TRPV1: variants seen among roughly 807,000 people sequenced by gnomAD.
TRPV1 encodes the protein transient receptor potential cation channel subfamily V member 1, also known as OTRPC1.
In TRPV1, 82 loss-of-function variants were observed where a neutral mutation model predicts 82.3. That is an observed-to-expected ratio of 1.00 (90% CI 0.83 to 1.20). The LOEUF is 1.20. Ranked by LOEUF, TRPV1 falls within the 50% of genes most tolerant of loss-of-function variation. TRPV1 has a pLI of 0.00. For synonymous variants in TRPV1, 515 were observed against 467.7 expected (o/e 1.10, Z -1.30); for missense variants, 1,067 against 1,096.8 (o/e 0.97, Z 0.38).
In TRPV1 at chr17:3,590,948, C is replaced by T; in HGVS notation, c.604+16G>A. 6.3e-7 allele frequency: 1 copy of T among 1,581,226 alleles called. No homozygotes were observed. On this transcript the variant is annotated intron_variant, in intron 5 of 16. Transcript: ENST00000572705. ...GCTGCGGGCTGAGCCATGCCCGGCC[C>T]CGCCGCCCTCCTCACCCTTGTAGTA...
At chr17:3,577,550 C>T (rs201333775) in intron 12 of TRPV1, 48 bp downstream of exon 12, 380 of 1,546,100 alleles carry the variant, frequency 2.5e-4, no homozygotes, top group Middle Eastern at 8.4e-4. Context: ...CACATGACCA[C>T]GAGGTAAGCG....
At chr17:3,600,587 TA>T (rs112815307) in intron 2 of TRPV1, among the ~76,000 whole-genome samples, 6,822 of 151,912 alleles carry the variant, frequency 0.045, 476 homozygotes, top group African/African-American at 0.14. Flanking sequence ...AGACTCCATT[TA>T]AAAAAAACAA....
rs189369502 is a variant in TRPV1 at position 3,591,981 on chromosome 17, T to G, written c.284+86A>C. 4.9e-3 allele frequency: 7,440 copies of G among 1,509,038 alleles called. 29 individuals carry two copies. The highest frequency in any genetic ancestry group is 6.1e-3 in the Non-Finnish European group (6,954 of 1,133,094). 93.5% of individuals were successfully genotyped at this position (1,509,038 alleles called of 1,614,324 possible). On this transcript the variant is annotated intron_variant, in intron 3 of 16. Coordinates refer to ENST00000572705, the MANE Select transcript of TRPV1 (RefSeq NM_080704.4). ...TCTCCAGCCCCCTGGCTTTGTGACA[T>G]TTAGCCCAGAAGCCAGACCACCCTG... is the stretch of plus-strand genomic sequence containing the variant.
chr17:3,573,897 C>T lies in TRPV1; in HGVS notation c.1839G>A (p.Ser613=), dbSNP rs768136240. The T allele has an allele frequency of 2.4e-5, 38 of 1,610,418 alleles. No individual in the cohort carries two copies. The highest frequency in any genetic ancestry group is 4.5e-5 in the East Asian group (2 of 44,830). Residue 613 remains serine (S), a synonymous_variant, in exon 14 of 17, where the codon TCG becomes TCA. Coordinates refer to ENST00000572705, the MANE Select transcript of TRPV1 (RefSeq NM_080704.4). The stretch of plus-strand genomic sequence containing the variant: ...TGCAGGCAGGCCCCCGCCACCTGTG[C>T]GACGTGGACTCAGACGGCAGGGAGT... ...KNDSLPSEST[S]HRWRGPACRP...
chr17:3,584,712 C>T (rs1193088931), intron 9 of TRPV1, among the ~76,000 whole-genome samples: 1 of 152,110 alleles, frequency 6.6e-6, no homozygotes, highest in African/African-American at 2.4e-5. Flanking sequence ...AGAAGAGTCA[C>T]TTGAACCCGG....
At position 3,590,947 on chromosome 17, in the gene TRPV1, C is replaced by T. The variant is rs543837123; in HGVS notation, c.604+17G>A. The T allele has an allele frequency of 2.0e-5, 31 of 1,579,230 alleles. No homozygotes were observed. In the East Asian group the frequency reaches 6.4e-4, roughly 33 times the overall value. On this transcript the variant is annotated intron_variant, in intron 5 of 16. Transcript: ENST00000572705. Reference sequence around the variant, plus strand: ...TGCTGCGGGCTGAGCCATGCCCGGCCCCGCCGCCCTCCTCACCCTTGTAGT... The same window carrying T: ...TGCTGCGGGCTGAGCCATGCCCGGCTCCGCCGCCCTCCTCACCCTTGTAGT...
chr17:3,570,037 A>AGGAGGGGCCAAGCGGTCAGGG (rs1242285900), intron 16 of TRPV1, among the ~76,000 whole-genome samples: 8,638 of 125,150 alleles, frequency 0.069, 1,877 homozygotes, highest in Non-Finnish European at 0.1. Context: ...AGCGGTCAGG[A>AGGAGGGGCCAAGCGGTCAGGG]AGGAGGGGTC....
chr17:3,567,369 CAAAAAAAA>C (rs56391405), intron 16 of TRPV1, among the ~76,000 whole-genome samples: 2 of 52,800 alleles, frequency 3.8e-5, no homozygotes, highest in Non-Finnish European at 7.1e-5. Flanking sequence ...AACTCCGTCT[CAAAAAAAA>C]AAAAAAAAAA....
At chr17:3,577,875 G>A (rs920012240) in intron 11 of TRPV1, 112 bp from the exon 12 acceptor site, 41 of 1,022,310 alleles carry the variant, frequency 4.0e-5, no homozygotes, top group Non-Finnish European at 5.4e-5. Flanking sequence ...CGCAATAGGA[G>A]CTAGGGTTGG....
rs964200174 is a variant in TRPV1, at chr17:3,589,695, C to G, written c.1044+112G>C. On this transcript the variant is annotated intron_variant, in intron 7 of 16. Coordinates refer to ENST00000572705, the MANE Select transcript of TRPV1 (RefSeq NM_080704.4). ...GCCCTACAGGCTGGTATGACAGAAT[C>G]AGAGTCCCGCACACACAGATAGCGA... 6.3e-6 allele frequency: 8 copies of G among 1,279,972 alleles called. No homozygotes were observed. The African/African-American group carries it at 1.2e-4, about 19-fold the overall frequency. 79.3% of individuals were successfully genotyped at this position (1,279,972 alleles called of 1,614,324 possible).
intron 16 of TRPV1, 135 bp downstream of exon 16, chr17:3,571,389 G>T: frequency 1.5e-6 from 1 of 656,660 alleles, no homozygotes; most frequent in South Asian, 1.8e-5. Flanking sequence ...CATGGCCGAC[G>T]TCAGGAGCTG....
At chr17:3,574,245 CCTG>C (rs1019366631) in intron 13 of TRPV1, among the ~76,000 whole-genome samples, 3 of 152,208 alleles carry the variant, frequency 2.0e-5, no homozygotes, top group Non-Finnish European at 4.4e-5. Context: ...TGGCCCCACA[CCTG>C]CTTTGTCCAT....
At position 3,598,196 on chromosome 17, in the gene TRPV1, C is replaced by T. The variant is rs561288129; in HGVS notation, c.-33-5813G>A. On this transcript the variant is annotated intron_variant, in intron 2 of 16. Coordinates refer to ENST00000572705, the MANE Select transcript of TRPV1 (RefSeq NM_080704.4). ...ACCATCCTAGCAGCTGCCTGCGGGA[C>T]GCCAACAAGCCGTAGGGCAGGTCCA... 5.9e-5 allele frequency among the ~76,000 whole-genome samples: 9 copies of T among 152,344 alleles called. No individual in the cohort carries two copies. In the East Asian group the frequency reaches 1.2e-3, roughly 20 times the overall value.
At chr17:3,580,311 G>A (rs1597524961) in intron 11 of TRPV1, 146 bp downstream of exon 11, 1 of 800,896 alleles carries the variant, frequency 1.2e-6, no homozygotes, top group Non-Finnish European at 2.1e-6. Flanking sequence ...CATCCCCCGA[G>A]TATGTATTCA....
At chr17:3,573,535 C>CA in intron 14 of TRPV1, 98 bp downstream of exon 14, 2 of 139,554 alleles carry the variant, frequency 1.4e-5, no homozygotes, top group South Asian at 2.8e-4. Context: ...ACACACCGCC[C>CA]CCACCACCCA....
chr17:3,580,331 G>A lies in TRPV1; in HGVS notation c.1547+126C>T, dbSNP rs138023214. 883 of 960,430 alleles carry A rather than the reference G, an allele frequency of 9.2e-4. 3 individuals are homozygous for A. The African/African-American group carries it at 0.012, about 13-fold the overall frequency. The allele number at this position is 960,430 out of a possible 1,614,324, so 59.5% of individuals were successfully genotyped here. Reference sequence around the variant, plus strand: ...CCCGAGTATGTATTCAGTGCCTTCCGTCATTCCCTCAGCATGTTCACTGAG... The same window carrying A: ...CCCGAGTATGTATTCAGTGCCTTCCATCATTCCCTCAGCATGTTCACTGAG... On this transcript the variant is annotated intron_variant, in intron 11 of 16. Coordinates refer to ENST00000572705, the MANE Select transcript of TRPV1 (RefSeq NM_080704.4).
chr17:3,571,389 G>A lies in TRPV1; in HGVS notation c.2347+135C>T, dbSNP rs563541751. 83 of 656,658 alleles carry A rather than the reference G, an allele frequency of 1.3e-4. 1 individual carries two copies. Among genetic ancestry groups the A allele is most frequent in the Admixed American group, 5.2e-4 (20 of 38,728 alleles). 40.7% of individuals were successfully genotyped at this position (656,658 alleles called of 1,614,324 possible). A position where few individuals can be genotyped will look rare whatever the true frequency, so the allele number is the denominator to read the frequency against. ...CCGTGACTATGTGCTCATGGCCGACGTCAGGAGCTGCCACAGCGCCCGGGT... is the reference window on the plus strand; with the variant it reads ...CCGTGACTATGTGCTCATGGCCGACATCAGGAGCTGCCACAGCGCCCGGGT... On this transcript the variant is annotated intron_variant, in intron 16 of 16. Transcript: ENST00000572705.
rs200283801 is a variant in TRPV1 at position 3,589,954 on chromosome 17, C to T, written c.897G>A (p.Thr299=). The T allele has an allele frequency of 4.0e-5, 63 of 1,565,854 alleles. No homozygotes were observed. Among genetic ancestry groups the T allele is most frequent in the Admixed American group, 5.8e-5 (3 of 52,014 alleles). Residue 299 remains threonine, a synonymous_variant, in exon 7 of 17, where the codon ACG becomes ACA. Coordinates refer to ENST00000572705, the MANE Select transcript of TRPV1 (RefSeq NM_080704.4). ...LHALVEVADN[T]ADNTKFVTSM... ...TCGTCACAAACTTCGTGTTGTCGGC[C>T]GTGTTGTCGGCCACCTCCACCAGGG...
At chr17:3,580,171 C>T (rs2074987995) in intron 11 of TRPV1, among the ~76,000 whole-genome samples, 1 of 152,150 alleles carries the variant, frequency 6.6e-6, no homozygotes, top group African/African-American at 2.4e-5. Context: ...ATTCCAGGGC[C>T]AACCCCTCGA....
Sources: gnomAD v4.1 joint callset for allele counts (sites outside exome capture counted in the v4.1 genomes callset) on GRCh38, gnomAD v4.1.1 for gene constraint, MANE v1.5 for transcripts, NCBI Gene and HGNC (gene_info 2026-07-23, HGNC 2026-07-21) for gene names.